PCNP: variants seen among roughly 807,000 people sequenced by gnomAD.
PCNP encodes the protein PEST proteolytic signal containing nuclear protein.
PCNP carries 6 observed loss-of-function variants against 21.8 expected under a neutral mutation model. The ratio of observed to expected loss-of-function variants is 0.28; its 90% CI spans 0.15 to 0.54. The LOEUF (loss-of-function observed/expected upper bound fraction) is 0.54. PCNP is among the 20% of genes least tolerant of loss of function. The pLI, the probability that PCNP is intolerant of heterozygous loss-of-function variation, is 0.95. For synonymous variants in PCNP, 67 were observed against 73.2 expected (o/e 0.92, Z 0.43); for missense variants, 161 against 215.5 (o/e 0.75, Z 1.58).
intron 1 of PCNP, among the ~76,000 whole-genome samples, chr3:101,577,546 A>G (rs1005305618): frequency 1.4e-4 from 22 of 152,040 alleles, no homozygotes; most frequent in African/African-American, 5.3e-4. Flanking sequence ...TTTTTTTGAG[A>G]TGAAGTCACG....
intron 1 of PCNP, among the ~76,000 whole-genome samples, chr3:101,577,312 C>T (rs1934972135): frequency 6.6e-6 from 1 of 152,098 alleles, no homozygotes; most frequent in South Asian, 2.1e-4. Context: ...TCATGGCCAT[C>T]TCAAGCTTTT....
intron 3 of PCNP, among the ~76,000 whole-genome samples, chr3:101,589,005 T>G (rs1935671978): frequency 1.3e-5 from 2 of 152,238 alleles, no homozygotes; most frequent in Non-Finnish European, 2.9e-5. Context: ...GAAAATAATA[T>G]GATTGAGGAC....
chr3:101,583,728 A>G (rs564552413), intron 2 of PCNP, among the ~76,000 whole-genome samples: 1 of 151,720 alleles, frequency 6.6e-6, no homozygotes, highest in East Asian at 2.0e-4. Context: ...GCTCACTGCA[A>G]CCTCTGCCTT....
chr3:101,590,646 G>GCT (rs1935753325), intron 4 of PCNP, among the ~76,000 whole-genome samples: 1 of 152,030 alleles, frequency 6.6e-6, no homozygotes, highest in Non-Finnish European at 1.5e-5. Flanking sequence ...CCACACTCAA[G>GCT]CTGCCCTCCC....
intron 2 of PCNP, among the ~76,000 whole-genome samples, chr3:101,584,512 C>T (rs1935390773): frequency 1.3e-5 from 2 of 152,098 alleles, no homozygotes; most frequent in Non-Finnish European, 2.9e-5. Flanking sequence ...GGGAGAATAA[C>T]CAGTAAAAAG....
intron 2 of PCNP, among the ~76,000 whole-genome samples, chr3:101,583,845 TAGAG>T (rs1386883626): frequency 4.3e-5 from 4 of 93,406 alleles, no homozygotes; most frequent in South Asian, 4.1e-4. Flanking sequence ...TTTTTTTTAG[TAGAG>T]AGAGGGTTTC....
At position 101,592,847 on chromosome 3, in the gene PCNP, CT is replaced by C. The variant is rs1024614530; in HGVS notation, c.*103del. On this transcript the variant is annotated 3_prime_UTR_variant, in exon 5 of 5. Coordinates refer to ENST00000265260, the MANE Select transcript of PCNP (RefSeq NM_020357.3). ...TGGTATAAGACTATCTTTGGAGCCG[CT>C]TTTTTTTTCTTTTTCATTTTTTTAA... 1.3e-4 allele frequency: 132 copies of C among 1,026,254 alleles called. No homozygotes were observed. Among genetic ancestry groups the C allele is most frequent in the Middle Eastern group, 3.3e-4 (1 of 3,000 alleles). The allele number at this position is 1,026,254 out of a possible 1,614,324, so 63.6% of individuals were successfully genotyped here. A position where few individuals can be genotyped will look rare whatever the true frequency, so the allele number is the denominator to read the frequency against.
intron 3 of PCNP, among the ~76,000 whole-genome samples, chr3:101,586,569 T>TGAGA (rs1489485259): frequency 7.3e-6 from 1 of 136,740 alleles, no homozygotes; most frequent in African/African-American, 2.8e-5. Flanking sequence ...TGTGTGTGTG[T>TGAGA]GTGAGAGAGA....
chr3:101,576,158 T>TAACTAGAG, intron 1 of PCNP, among the ~76,000 whole-genome samples: 1 of 152,170 alleles, frequency 6.6e-6, no homozygotes, highest in African/African-American at 2.4e-5. Context: ...CTTAGGGGCT[T>TAACTAGAG]AACTAGAGAA....
intron 2 of PCNP, among the ~76,000 whole-genome samples, chr3:101,582,322 G>A (rs1935266726): frequency 6.6e-6 from 1 of 151,994 alleles, no homozygotes; most frequent in South Asian, 2.1e-4. Flanking sequence ...GTGTGGTGGC[G>A]GGCGCCTGTA....
At position 101,593,061 on chromosome 3, in the gene PCNP, T is replaced by C. The variant is rs1967976; in HGVS notation, c.*308T>C. On this transcript the variant is annotated 3_prime_UTR_variant, in exon 5 of 5. Coordinates refer to ENST00000265260, the MANE Select transcript of PCNP (RefSeq NM_020357.3). ...ATATTTTTTTAGACACAACTATTAG[T>C]ACATTAAGAGGGAAGCAAAGTTACT... 182,188 of 182,510 alleles carry C rather than the reference T, an allele frequency of 1. 90,934 individuals are homozygous for C. The highest frequency in any genetic ancestry group is 1 in the Middle Eastern group (408 of 408). The allele number at this position is 182,510 out of a possible 1,614,324, so 11.3% of individuals were successfully genotyped here. A position where few individuals can be genotyped will look rare whatever the true frequency, so the allele number is the denominator to read the frequency against.
intron 3 of PCNP, among the ~76,000 whole-genome samples, chr3:101,586,169 T>TAA (rs1935488539): frequency 3.8e-5 from 1 of 26,146 alleles, no homozygotes; most frequent in African/African-American, 1.2e-4. Flanking sequence ...AGTCTCTGTC[T>TAA]CAAAAAAAAA....
At chr3:101,586,395 A>G (rs1935507731) in intron 3 of PCNP, among the ~76,000 whole-genome samples, 1 of 152,022 alleles carries the variant, frequency 6.6e-6, no homozygotes, top group Non-Finnish European at 1.5e-5. Flanking sequence ...TGACCTATGG[A>G]AGTTTCAAGC....
At position 101,592,671 on chromosome 3, in the gene PCNP, A is replaced by G. The variant is rs1935876426; in HGVS notation, c.455A>G (p.Lys152Arg). 6.2e-7 allele frequency: 1 copy of G among 1,612,684 alleles called. No individual in the cohort carries two copies. Among genetic ancestry groups the G allele is most frequent in the African/African-American group, 1.3e-5 (1 of 74,908 alleles). Residue 152 changes from lysine (K) to arginine (R), a missense_variant, in exon 5 of 5, where the codon AAG (lysine) becomes AGG (arginine). This residue lies in a region of PCNP where 66 missense variants were observed against 127.8 expected (regional missense o/e 0.52). Transcript: ENST00000265260. ...GGACCAAACTCCTTCAATAAAGGAA[A>G]GCATGGGTTTTCTGATAACCAGAAG... ...SAGPNSFNKG[K>R]HGFSDNQKLW...
chr3:101,586,911 A>G (rs1485508111), intron 3 of PCNP, among the ~76,000 whole-genome samples: 2 of 152,180 alleles, frequency 1.3e-5, no homozygotes, highest in African/African-American at 4.8e-5. Context: ...TGGGAAGAAT[A>G]TATATGAAGT....
chr3:101,582,444 C>T (rs184193593), intron 2 of PCNP, among the ~76,000 whole-genome samples: 61 of 152,160 alleles, frequency 4.0e-4, no homozygotes, highest in South Asian at 1.7e-3. Context: ...AGTGAGACTC[C>T]GTCTCAAAAA....
At chr3:101,583,187 T>A (rs548151529) in intron 2 of PCNP, among the ~76,000 whole-genome samples, 1 of 152,210 alleles carries the variant, frequency 6.6e-6, no homozygotes, top group South Asian at 2.1e-4. Flanking sequence ...CTGGGCGCGG[T>A]GGCTCAGGCC....
At chr3:101,584,656 C>G (rs1320796093) in intron 2 of PCNP, among the ~76,000 whole-genome samples, 6 of 152,122 alleles carry the variant, frequency 3.9e-5, no homozygotes, top group Non-Finnish European at 5.9e-5. Context: ...CCTCTGCCTC[C>G]TGGGTTCAAG....
Position 101,593,345 on chromosome 3 carries a change from T to C in PCNP, c.*592T>C, listed in dbSNP as rs975154268. 6.6e-6 allele frequency: 1 copy of C among 152,624 alleles called. No homozygotes were observed. The highest frequency in any genetic ancestry group is 1.5e-5 in the Non-Finnish European group (1 of 68,004). The allele number at this position is 152,624 out of a possible 1,614,324, so 9.5% of individuals were successfully genotyped here. A position where few individuals can be genotyped will look rare whatever the true frequency, so the allele number is the denominator to read the frequency against. On this transcript the variant is annotated 3_prime_UTR_variant, in exon 5 of 5. Coordinates refer to ENST00000265260, the MANE Select transcript of PCNP (RefSeq NM_020357.3). Reference sequence around the variant, plus strand: ...CTTAGCTCTTAAAAGATTTTTTTTTTATGTAAACTGTTGAATATTTGAAAT... The same window carrying C: ...CTTAGCTCTTAAAAGATTTTTTTTTCATGTAAACTGTTGAATATTTGAAAT...
Sources: gnomAD v4.1 joint callset for allele counts (sites outside exome capture counted in the v4.1 genomes callset) on GRCh38, gnomAD v4.1.1 for gene constraint, gnomAD v4.1.1 regional missense constraint, MANE v1.5 for transcripts, NCBI Gene and HGNC (gene_info 2026-07-23, HGNC 2026-07-21) for gene names.